The following LYN variants were observed in gnomAD, a reference collection of about 807,000 sequenced individuals.
LYN encodes tyrosine-protein kinase Lyn.
In LYN, 12 loss-of-function variants were observed where a neutral mutation model predicts 65.0. That is an observed-to-expected ratio of 0.18 (90% CI 0.12 to 0.30). LYN has a LOEUF of 0.30. LYN is among the 10% of genes least tolerant of loss of function. The pLI is 1.00. For missense variants in LYN, 380 were observed against 623.2 expected (o/e 0.61, Z 4.16); for synonymous variants, 222 against 221.2 (o/e 1.00, Z -0.03).
At chr8:55,988,329 T>TGTGTGTGTGTG (rs1563325566) in intron 10 of LYN, among the ~76,000 whole-genome samples, 4 of 151,660 alleles carry the variant, frequency 2.6e-5, no homozygotes, top group South Asian at 2.1e-4. Flanking sequence ...TGTGTGTGTG[T>TGTGTGTGTGTG]TTACATCCTA....
At chr8:55,911,630 C>G (rs1805640914) in intron 1 of LYN, among the ~76,000 whole-genome samples, 4 of 151,492 alleles carry the variant, frequency 2.6e-5, no homozygotes, top group Admixed American at 1.3e-4. Flanking sequence ...TTCCATTGTA[C>G]TAGGGTGTCC....
At chr8:55,900,280 T>C (rs943939773) in intron 1 of LYN, among the ~76,000 whole-genome samples, 1 of 152,240 alleles carries the variant, frequency 6.6e-6, no homozygotes, top group African/African-American at 2.4e-5. Flanking sequence ...GTCAAGCCAG[T>C]TGAGTTTTCT....
chr8:56,002,428 A>T (rs1439487348), intron 12 of LYN, among the ~76,000 whole-genome samples: 1 of 147,760 alleles, frequency 6.8e-6, no homozygotes, highest in Non-Finnish European at 1.5e-5. Flanking sequence ...TAAAAAAATA[A>T]AAAAAAAAAG....
intron 1 of LYN, among the ~76,000 whole-genome samples, chr8:55,938,684 C>CT (rs1806512211): frequency 6.6e-6 from 1 of 152,138 alleles, no homozygotes; most frequent in Non-Finnish European, 1.5e-5. Flanking sequence ...CATTTTAAAG[C>CT]TTTTTTTCTC....
intron 1 of LYN, among the ~76,000 whole-genome samples, chr8:55,883,109 A>G (rs569002488): frequency 6.6e-6 from 1 of 152,348 alleles, no homozygotes; most frequent in South Asian, 2.1e-4. Flanking sequence ...CCATTTGATA[A>G]TAAAGTGTTG....
At chr8:55,880,445 C>T (rs1786192353) in intron 1 of LYN, among the ~76,000 whole-genome samples, 1 of 152,180 alleles carries the variant, frequency 6.6e-6, no homozygotes, top group South Asian at 2.1e-4. Context: ...CGAGGGCCGG[C>T]TGCTGTCCCT....
chr8:55,966,080 G>A lies in LYN; in HGVS notation c.791-635G>A, dbSNP rs555761220. Among the ~76,000 whole-genome samples the A allele has an allele frequency of 1.6e-3, 237 of 152,234 alleles. 4 individuals carry two copies. Among genetic ancestry groups the A allele is most frequent in the Non-Finnish European group, 1.9e-3 (129 of 68,016 alleles). ...GTGGAGGTTGCAGTGAGCCAAGATCGTGCCACTACACTCCAGCCTGGGCGA... is the reference window on the plus strand; with the variant it reads ...GTGGAGGTTGCAGTGAGCCAAGATCATGCCACTACACTCCAGCCTGGGCGA... On this transcript the variant is annotated intron_variant, in intron 8 of 12. Transcript: ENST00000519728.
At chr8:55,907,239 G>C (rs1242807830) in intron 1 of LYN, among the ~76,000 whole-genome samples, 2 of 152,022 alleles carry the variant, frequency 1.3e-5, no homozygotes, top group African/African-American at 4.8e-5. Context: ...TCATAAAATG[G>C]GGTATTACTC....
At chr8:55,906,978 G>T (rs1805446212) in intron 1 of LYN, among the ~76,000 whole-genome samples, 1 of 152,180 alleles carries the variant, frequency 6.6e-6, no homozygotes, top group Non-Finnish European at 1.5e-5. Flanking sequence ...GCAAGGATCA[G>T]GGAGACGAGT....
intron 1 of LYN, among the ~76,000 whole-genome samples, chr8:55,933,773 TC>T (rs1204876707): frequency 6.6e-6 from 1 of 152,254 alleles, no homozygotes; most frequent in Non-Finnish European, 1.5e-5. Flanking sequence ...ATGCCAATCT[TC>T]CATATACCTC....
chr8:55,898,884 G>A (rs1805187846), intron 1 of LYN, among the ~76,000 whole-genome samples: 1 of 152,102 alleles, frequency 6.6e-6, no homozygotes, highest in Non-Finnish European at 1.5e-5. Flanking sequence ...GAGTGCAGTG[G>A]CACAATCACG....
chr8:55,926,530 C>T (rs1585605972), intron 1 of LYN, among the ~76,000 whole-genome samples: 1 of 152,180 alleles, frequency 6.6e-6, no homozygotes, highest in Admixed American at 6.5e-5. Context: ...TCTCCCAGCT[C>T]TTATCAGTTA....
chr8:55,888,813 A>G (rs1469563201), intron 1 of LYN, among the ~76,000 whole-genome samples: 1 of 151,846 alleles, frequency 6.6e-6, no homozygotes, highest in Non-Finnish European at 1.5e-5. Context: ...CTCACTCACC[A>G]GGGATTTGGC....
chr8:55,915,638 G>A (rs1325055374), intron 1 of LYN, among the ~76,000 whole-genome samples: 7 of 152,120 alleles, frequency 4.6e-5, no homozygotes, highest in African/African-American at 1.7e-4. Context: ...CCCAGGAGGC[G>A]GAGGTTGCAG....
At position 55,952,085 on chromosome 8, in the gene LYN, T is replaced by C. The variant is rs761779641; in HGVS notation, c.607T>C (p.Cys203Arg). The change falls in exon 7 of 13, where the codon TGT becomes CGT. Residue 203 changes from cysteine (C) to arginine (R), a missense_variant. Around this residue, in one of 2 missense-constraint regions of LYN, gnomAD observed 223 missense variants for 430.0 expected, o/e 0.52. Transcript: ENST00000519728. ...CATCTCTCCACGAATCACTTTTCCC[T>C]GTATCAGCGACATGATTAAACATTA... ...YYISPRITFP[C>R]ISDMIKHYQK... 3 of 1,598,128 alleles carry C rather than the reference T, an allele frequency of 1.9e-6. No homozygotes were observed. In the East Asian group the frequency reaches 6.7e-5, roughly 36 times the overall value.
intron 2 of LYN, 81 bp downstream of exon 2, chr8:55,942,072 G>A (rs1806628006): frequency 8.3e-6 from 12 of 1,440,098 alleles, no homozygotes; most frequent in Non-Finnish European, 1.0e-5. Flanking sequence ...TCTGTAATAT[G>A]TGCATGCAAA....
chr8:55,938,026 A>T (rs1219779016), intron 1 of LYN, among the ~76,000 whole-genome samples: 1 of 152,176 alleles, frequency 6.6e-6, no homozygotes, highest in Non-Finnish European at 1.5e-5. Context: ...AAAACCAAAA[A>T]ATTATCCCAG....
At chr8:55,955,489 TTCC>T (rs1585636302) in intron 8 of LYN, among the ~76,000 whole-genome samples, 1 of 152,180 alleles carries the variant, frequency 6.6e-6, no homozygotes, top group African/African-American at 2.4e-5. Context: ...CTCTGTTGTC[TTCC>T]TCCTCATTTC....
At chr8:55,924,045 C>T (rs902285972) in intron 1 of LYN, among the ~76,000 whole-genome samples, 2 of 151,334 alleles carry the variant, frequency 1.3e-5, no homozygotes, top group African/African-American at 2.4e-5. Flanking sequence ...TCTGGTGGTA[C>T]TTGTTTTTTC....
Sources: gnomAD v4.1 joint callset for allele counts (sites outside exome capture counted in the v4.1 genomes callset) on GRCh38, gnomAD v4.1.1 for gene constraint, gnomAD v4.1.1 regional missense constraint, MANE v1.5 for transcripts, NCBI Gene and HGNC (gene_info 2026-07-23, HGNC 2026-07-21) for gene names.